MECOM: variants seen among roughly 807,000 people sequenced by gnomAD.
MECOM encodes histone-lysine N-methyltransferase MECOM.
Under a neutral mutation model 116.3 loss-of-function variants are expected in MECOM, and 13 were observed. The ratio of observed to expected loss-of-function variants is 0.11; its 90% CI spans 0.07 to 0.18. MECOM has a LOEUF of 0.18. Ranked by LOEUF, MECOM falls within the 10% of genes least tolerant of loss-of-function variation. The pLI is 1.00. For missense variants in MECOM, 1,299 were observed against 1,509.0 expected, an observed-to-expected ratio of 0.86 and a Z score of 2.31; for synonymous variants, 528 against 535.2, an observed-to-expected ratio of 0.99 and a Z score of 0.19.
chr3:169,248,557 G>C (rs1268963684), intron 2 of MECOM, among the ~76,000 whole-genome samples: 1 of 152,078 alleles, frequency 6.6e-6, no homozygotes, highest in Admixed American at 6.6e-5. Context: ...TCTTCTTTGA[G>C]TACTATTCTT....
At chr3:169,523,484 T>C (rs1430123010) in intron 1 of MECOM, among the ~76,000 whole-genome samples, 33 of 151,716 alleles carry the variant, frequency 2.2e-4, no homozygotes, top group Admixed American at 2.2e-3. Context: ...GAGAGGAAGA[T>C]AGGCTTAATT....
At chr3:169,323,679 C>T (rs1481849155) in intron 2 of MECOM, among the ~76,000 whole-genome samples, 2 of 152,180 alleles carry the variant, frequency 1.3e-5, no homozygotes, top group Admixed American at 1.3e-4. Flanking sequence ...CCTCTACAGC[C>T]CTTCCCTCAA....
intron 2 of MECOM, among the ~76,000 whole-genome samples, chr3:169,327,639 C>CA (rs771134017): frequency 0.27 from 18,473 of 68,742 alleles, 1,823 homozygotes; most frequent in Middle Eastern, 0.37. Context: ...GACTGTGTCT[C>CA]AAAAAAAAAA....
At chr3:169,161,384 A>T (rs1156810240) in intron 2 of MECOM, among the ~76,000 whole-genome samples, 1 of 152,200 alleles carries the variant, frequency 6.6e-6, no homozygotes, top group Non-Finnish European at 1.5e-5. Flanking sequence ...TGACACTGCC[A>T]TCAAAAGGGG....
At chr3:169,448,285 C>A (rs1001100517) in intron 1 of MECOM, among the ~76,000 whole-genome samples, 1 of 152,104 alleles carries the variant, frequency 6.6e-6, no homozygotes, top group African/African-American at 2.4e-5. Context: ...TGCTTAGGTG[C>A]CTGACCAGGA....
chr3:169,169,244 T>C (rs1215212417), intron 2 of MECOM, among the ~76,000 whole-genome samples: 2 of 151,978 alleles, frequency 1.3e-5, no homozygotes, highest in African/African-American at 2.4e-5. Flanking sequence ...AACACAATAC[T>C]TAATATCATA....
chr3:169,386,156 C>T (rs572512758), intron 1 of MECOM, among the ~76,000 whole-genome samples: 1 of 152,174 alleles, frequency 6.6e-6, no homozygotes, highest in Admixed American at 6.5e-5. Flanking sequence ...CTTTGAATAA[C>T]TACCATAGGT....
intron 1 of MECOM, among the ~76,000 whole-genome samples, chr3:169,567,677 C>T (rs1763393717): frequency 6.6e-6 from 1 of 152,126 alleles, no homozygotes; most frequent in Non-Finnish European, 1.5e-5. Flanking sequence ...CTGTAGACTT[C>T]CAGCCCAGGG....
chr3:169,431,035 G>T (rs1271668414), intron 1 of MECOM, among the ~76,000 whole-genome samples: 1 of 152,106 alleles, frequency 6.6e-6, no homozygotes, highest in East Asian at 1.9e-4. Flanking sequence ...GTCTGTTTCA[G>T]TCACTGTCTT....
intron 1 of MECOM, among the ~76,000 whole-genome samples, chr3:169,519,266 A>G (rs1245105035): frequency 2.6e-5 from 4 of 152,230 alleles, no homozygotes; most frequent in African/African-American, 4.8e-5. Flanking sequence ...AAATCTTAGA[A>G]TGAATCTCAT....
At chr3:169,214,733 A>G (rs1751208610) in intron 2 of MECOM, among the ~76,000 whole-genome samples, 1 of 150,782 alleles carries the variant, frequency 6.6e-6, no homozygotes, top group South Asian at 2.1e-4. Flanking sequence ...ATTATTTTAT[A>G]TTACAGCAAA....
intron 1 of MECOM, among the ~76,000 whole-genome samples, chr3:169,393,784 GCAT>G (rs1219094705): frequency 2.0e-5 from 3 of 151,790 alleles, no homozygotes; most frequent in African/African-American, 4.8e-5. Flanking sequence ...AAATCTTCTG[GCAT>G]CATATTGCTT....
At chr3:169,128,782 T>C (rs1733727057) in intron 4 of MECOM, among the ~76,000 whole-genome samples, 1 of 152,194 alleles carries the variant, frequency 6.6e-6, no homozygotes, top group South Asian at 2.1e-4. Context: ...ATTTGCACTT[T>C]AAATCAATAA....
At chr3:169,108,350 G>T (rs1245173317) in intron 9 of MECOM, among the ~76,000 whole-genome samples, 1 of 152,096 alleles carries the variant, frequency 6.6e-6, no homozygotes, top group Non-Finnish European at 1.5e-5. Flanking sequence ...TAATAACAAA[G>T]AAAAGATATT....
chr3:169,449,048 A>G (rs746216085), intron 1 of MECOM, among the ~76,000 whole-genome samples: 1 of 152,138 alleles, frequency 6.6e-6, no homozygotes, highest in Non-Finnish European at 1.5e-5. Context: ...TCATATAAAG[A>G]CCTTAACATT....
chr3:169,145,106 A>G, intron 2 of MECOM: 1 of 1,356,982 alleles, frequency 7.4e-7, no homozygotes, highest in East Asian at 2.5e-5. Context: ...CCAAAATTTA[A>G]AAAAGAAAAA....
Position 169,378,461 on chromosome 3 carries a change from GCAAGCAAGCAAGCAAGAA to G in MECOM, c.375+2708_375+2725del, listed in dbSNP as rs1303424988. On this transcript the variant is annotated intron_variant, in intron 2 of 16. Coordinates refer to ENST00000651503, the MANE Select transcript of MECOM (RefSeq NM_004991.4). ...AGAAAGAAAGAAAGAAGGAAAGCAA[GCAAGCAAGCAAGCAAGAA>G]AGAGAGAGAGAAAGAAAGAAAGAAA... Among the ~76,000 whole-genome samples the G allele has an allele frequency of 7.5e-4, 36 of 47,714 alleles. 2 individuals are homozygous for G. Among genetic ancestry groups the G allele is most frequent in the African/African-American group, 4.8e-3 (32 of 6,722 alleles). 31.3% of individuals were successfully genotyped at this position (47,714 alleles called of 152,430 possible).
At position 169,485,943 on chromosome 3, in the gene MECOM, ATG is replaced by A. The variant is rs1491329228; in HGVS notation, c.38-104421_38-104420del. 1.3e-3 allele frequency among the ~76,000 whole-genome samples: 46 copies of A among 36,070 alleles called. 2 individuals are homozygous for A. The highest frequency in any genetic ancestry group is 6.1e-3 in the African/African-American group (43 of 7,106). 23.7% of individuals were successfully genotyped at this position (36,070 alleles called of 152,430 possible). A position where few individuals can be genotyped will look rare whatever the true frequency, so the allele number is the denominator to read the frequency against. On this transcript the variant is annotated intron_variant, in intron 1 of 16. Transcript: ENST00000651503. ...TATATAGTATATATAGTATATATGT[ATG>A]TATATATGTACATATATACTATATA...
rs1036684934 is a variant in MECOM, at chr3:169,646,286, C to T, written c.37+17050G>A. On this transcript the variant is annotated intron_variant, in intron 1 of 16. Coordinates refer to ENST00000651503, the MANE Select transcript of MECOM (RefSeq NM_004991.4). Reference sequence around the variant, plus strand: ...GAACACTTGGACACAGGAAGGGGAACATCACACACCGGGGCCTGTCATGGG... The same window carrying T: ...GAACACTTGGACACAGGAAGGGGAATATCACACACCGGGGCCTGTCATGGG... 4.0e-5 allele frequency among the ~76,000 whole-genome samples: 5 copies of T among 125,488 alleles called. No individual in the cohort carries two copies. In the Admixed American group the frequency reaches 5.5e-4, roughly 14 times the overall value. The allele number at this position is 125,488 out of a possible 152,430, so 82.3% of individuals were successfully genotyped here. A position where few individuals can be genotyped will look rare whatever the true frequency, so the allele number is the denominator to read the frequency against.
Sources: allele counts gnomAD v4.1 joint callset (sites outside exome capture counted in the v4.1 genomes callset), GRCh38; gene constraint gnomAD v4.1.1; transcripts MANE v1.5; gene names NCBI Gene and HGNC (gene_info 2026-07-23, HGNC 2026-07-21).